The following DCAF8L2 variants were observed in gnomAD, a reference collection of about 807,000 sequenced individuals.
DCAF8L2 encodes the protein DDB1 and CUL4 associated factor 8 like 2.
For missense variants in DCAF8L2, 430 were observed against 490.7 expected, an observed-to-expected ratio of 0.88 and a Z score of 1.17; for synonymous variants, 200 against 190.9, an observed-to-expected ratio of 1.05 and a Z score of -0.39.
chrX:27,745,128 A>G (rs1012751132), intron 4 of DCAF8L2, among the ~76,000 whole-genome samples: 2 of 112,080 alleles, frequency 1.8e-5, no homozygotes, highest in Admixed American at 9.5e-5. Context: ...AAGAATTACT[A>G]TGCAATATAT....
upstream of DCAF8L2, among the ~76,000 whole-genome samples, chrX:27,588,189 C>T (rs1406007954): frequency 1.8e-5 from 2 of 108,134 alleles, no homozygotes; most frequent in Admixed American, 1.0e-4. Context: ...TCTATTTTCG[C>T]CATCTTTATG....
chrX:27,520,288 T>G, the DCAF8L2 span, among the ~76,000 whole-genome samples: 2 of 112,192 alleles, frequency 1.8e-5, no homozygotes, highest in Non-Finnish European at 3.8e-5. Flanking sequence ...CAGGTTTATA[T>G]TTAGAATTAC....
chrX:27,501,550 A>C, the DCAF8L2 span, among the ~76,000 whole-genome samples: 1 of 111,482 alleles, frequency 9.0e-6, no homozygotes, highest in African/African-American at 3.3e-5. Flanking sequence ...GTGTCTGATT[A>C]GGTGTCCAAG....
chrX:27,570,852 G>A, the DCAF8L2 span, among the ~76,000 whole-genome samples: 2 of 111,733 alleles, frequency 1.8e-5, no homozygotes, highest in African/African-American at 6.5e-5. Context: ...CATCCCATTT[G>A]TATGTATTAT....
intron 1 of DCAF8L2, among the ~76,000 whole-genome samples, chrX:27,623,318 A>G (rs1351121506): frequency 9.0e-6 from 1 of 111,532 alleles, no homozygotes; most frequent in African/African-American, 3.3e-5. Context: ...AGGAAACATG[A>G]TCCATACTGG....
the DCAF8L2 span, among the ~76,000 whole-genome samples, chrX:27,497,794 C>G: frequency 9.0e-6 from 1 of 111,571 alleles, no homozygotes; most frequent in East Asian, 2.8e-4. Context: ...GCCTCAAACT[C>G]CTGACCTCGT....
chrX:27,715,069 T>C (rs1257813138), intron 3 of DCAF8L2, among the ~76,000 whole-genome samples: 1 of 110,513 alleles, frequency 9.0e-6, no homozygotes, highest in South Asian at 3.8e-4. Context: ...GTAGGGAAAA[T>C]AATATTTGAG....
At chrX:27,469,738 T>C in the DCAF8L2 span, among the ~76,000 whole-genome samples, 1 of 110,942 alleles carries the variant, frequency 9.0e-6, no homozygotes, top group Non-Finnish European at 1.9e-5. Flanking sequence ...AAACAACCTT[T>C]TATGTTTTGT....
chrX:27,714,744 C>T (rs1931639251), intron 3 of DCAF8L2, among the ~76,000 whole-genome samples: 1 of 111,287 alleles, frequency 9.0e-6, no homozygotes, highest in Non-Finnish European at 1.9e-5. Flanking sequence ...GTCTTTCTAG[C>T]CTCCCCATTT....
intron 1 of DCAF8L2, among the ~76,000 whole-genome samples, chrX:27,623,414 A>G (rs1927873225): frequency 9.0e-6 from 1 of 111,654 alleles, no homozygotes; most frequent in Admixed American, 9.5e-5. Flanking sequence ...TACTGCATAA[A>G]TGGAAAAAAA....
At chrX:27,683,101 G>C (rs1166092473) in intron 3 of DCAF8L2, among the ~76,000 whole-genome samples, 1 of 111,394 alleles carries the variant, frequency 9.0e-6, no homozygotes, top group African/African-American at 3.2e-5. Context: ...CTTCTATAAA[G>C]TTTTGTCCTC....
At chrX:27,675,770 C>T (rs1020328883) in intron 2 of DCAF8L2, among the ~76,000 whole-genome samples, 4 of 111,643 alleles carry the variant, frequency 3.6e-5, no homozygotes, top group African/African-American at 1.3e-4. Context: ...GCTTTATTGG[C>T]TTTAGGCCAG....
chrX:27,507,840 T>C, the DCAF8L2 span, among the ~76,000 whole-genome samples: 1 of 111,650 alleles, frequency 9.0e-6, no homozygotes, highest in South Asian at 3.7e-4. Context: ...AAAATGAATA[T>C]AGTGTCTATA....
At chrX:27,552,041 C>T in the DCAF8L2 span, among the ~76,000 whole-genome samples, 1 of 111,236 alleles carries the variant, frequency 9.0e-6, no homozygotes, top group African/African-American at 3.3e-5. Flanking sequence ...AACTGGGGTG[C>T]AGTGGTATCT....
intron 4 of DCAF8L2, among the ~76,000 whole-genome samples, chrX:27,719,617 G>C (rs1931822561): frequency 9.1e-6 from 1 of 109,512 alleles, no homozygotes; most frequent in African/African-American, 3.3e-5. Context: ...GCTAAGTTTT[G>C]CATTTTTAGT....
chrX:27,469,797 C>T, the DCAF8L2 span, among the ~76,000 whole-genome samples: 1 of 104,605 alleles, frequency 9.6e-6, no homozygotes, highest in Non-Finnish European at 1.9e-5. Flanking sequence ...TTTTTTGAGA[C>T]GGAGTTTTCA....
intron 4 of DCAF8L2, among the ~76,000 whole-genome samples, chrX:27,740,855 A>G (rs764694446): frequency 8.9e-6 from 1 of 111,880 alleles, no homozygotes; most frequent in African/African-American, 3.2e-5. Context: ...TCTCCATAAT[A>G]TTCATTACTG....
At chrX:27,583,482 C>T in the DCAF8L2 span, among the ~76,000 whole-genome samples, 2 of 110,813 alleles carry the variant, frequency 1.8e-5, no homozygotes, top group African/African-American at 6.6e-5. Context: ...TGGGCCCTCT[C>T]AGTGGGAAAA....
At chrX:27,501,951 C>G in the DCAF8L2 span, among the ~76,000 whole-genome samples, 7 of 110,311 alleles carry the variant, frequency 6.3e-5, no homozygotes, top group African/African-American at 2.3e-4. Context: ...AATGAAGGCA[C>G]TGGGGCAAGG....
Sources: gnomAD v4.1 joint callset for allele counts (sites outside exome capture counted in the v4.1 genomes callset) on GRCh38, gnomAD v4.1.1 for gene constraint, MANE v1.5 for transcripts, NCBI Gene and HGNC (gene_info 2026-07-23, HGNC 2026-07-21) for gene names.